The following SCMH1 variants were observed in gnomAD, a reference collection of about 807,000 sequenced individuals.
The protein encoded by SCMH1 is Scm polycomb group protein homolog 1.
A neutral mutation model predicts 70.8 loss-of-function variants in SCMH1; 37 were observed. The observed-to-expected ratio is 0.52, with a 90% CI of 0.40 to 0.69. The LOEUF is 0.69. SCMH1 is among the 30% of genes least tolerant of loss of function. SCMH1 has a pLI of 0.00. For synonymous variants in SCMH1, 292 were observed against 307.4 expected, an observed-to-expected ratio of 0.95 and a Z score of 0.52; for missense variants, 607 against 827.3, an observed-to-expected ratio of 0.73 and a Z score of 3.27.
intron 6 of SCMH1, among the ~76,000 whole-genome samples, chr1:41,135,680 A>G (rs1643184700): frequency 6.6e-6 from 1 of 152,220 alleles, no homozygotes; most frequent in Non-Finnish European, 1.5e-5. Flanking sequence ...AGTTACAATT[A>G]AATACAATTT....
rs376063757 is a variant in SCMH1, at chr1:41,113,551, C to T, written c.502-25G>A. On this transcript the variant is annotated intron_variant, in intron 7 of 14. Coordinates refer to ENST00000337495, the Ensembl canonical transcript of SCMH1. The surrounding 1 kb of genome is among the most constrained non-coding windows in gnomAD (Gnocchi z 4.3). The stretch of plus-strand genomic sequence containing the variant: ...CCTAGATGAGAAACAGAAACATACA[C>T]ACCTAGACACAAAGAGAGGCCATTA... The T allele has an allele frequency of 2.3e-5, 37 of 1,591,516 alleles. 1 individual carries two copies. Among genetic ancestry groups the T allele is most frequent in the East Asian group, 1.3e-4 (6 of 44,740 alleles).
intron 6 of SCMH1, among the ~76,000 whole-genome samples, chr1:41,126,386 GTTTAAT>G (rs1673188478): frequency 6.6e-6 from 1 of 151,908 alleles, no homozygotes; most frequent in African/African-American, 2.4e-5. Flanking sequence ...ATCTTTTTTA[GTTTAAT>G]TTTATTTATT....
intron 2 of SCMH1, among the ~76,000 whole-genome samples, chr1:41,184,249 CA>C (rs1436833436): frequency 3.9e-5 from 6 of 152,094 alleles, no homozygotes; most frequent in Admixed American, 3.3e-4. Flanking sequence ...GGCCGAGTGC[CA>C]GGCATTTTCA....
chr1:41,050,709 C>T (rs1308535706), intron 10 of SCMH1, among the ~76,000 whole-genome samples: 3 of 152,230 alleles, frequency 2.0e-5, no homozygotes, highest in Admixed American at 6.5e-5. Context: ...AGGTGGAAAG[C>T]GGACTGGAAA....
chr1:41,135,609 T>C (rs1254555643), intron 6 of SCMH1, among the ~76,000 whole-genome samples: 2 of 152,182 alleles, frequency 1.3e-5, no homozygotes, highest in Non-Finnish European at 2.9e-5. Flanking sequence ...CCCTTTATAA[T>C]TACCCAGTCT....
At chr1:41,115,530 T>C (rs1266216615) in intron 7 of SCMH1, among the ~76,000 whole-genome samples, 3 of 152,156 alleles carry the variant, frequency 2.0e-5, no homozygotes, top group African/African-American at 7.2e-5. Flanking sequence ...CTCAATCTCC[T>C]GGGCTTAAGC....
chr1:41,122,651 G>A (rs569597757), intron 6 of SCMH1, among the ~76,000 whole-genome samples: 18 of 152,250 alleles, frequency 1.2e-4, no homozygotes, highest in Admixed American at 1.0e-3. Flanking sequence ...TTGCAGGTAA[G>A]GGCACTGAAA....
At chr1:41,239,635 T>C (rs1292591798) in intron 1 of SCMH1, among the ~76,000 whole-genome samples, 1 of 152,078 alleles carries the variant, frequency 6.6e-6, no homozygotes, top group Non-Finnish European at 1.5e-5. Context: ...GGTTAGAACA[T>C]ACCAATTTTC....
intron 1 of SCMH1, among the ~76,000 whole-genome samples, chr1:41,198,344 T>C (rs572010382): frequency 1.3e-5 from 2 of 152,158 alleles, no homozygotes; most frequent in Non-Finnish European, 2.9e-5. Context: ...AAAAAGTAAG[T>C]GTGGACAAAC....
At chr1:41,174,469 T>C (rs939800074) in intron 2 of SCMH1, among the ~76,000 whole-genome samples, 1 of 152,186 alleles carries the variant, frequency 6.6e-6, no homozygotes, top group African/African-American at 2.4e-5. Context: ...TTCTCAGTAT[T>C]ACTCCACGTT....
chr1:41,189,189 G>A (rs1286031796), intron 1 of SCMH1, among the ~76,000 whole-genome samples: 1 of 152,166 alleles, frequency 6.6e-6, no homozygotes, highest in African/African-American at 2.4e-5. Context: ...CACTCTGGTT[G>A]CTCAGGCTGG....
chr1:41,061,620 CT>C lies in SCMH1; in HGVS notation c.1105+8974del, dbSNP rs371855109. Among the ~76,000 whole-genome samples the C allele has an allele frequency of 6.2e-3, 950 of 152,306 alleles. 15 individuals carry two copies. Among genetic ancestry groups the C allele is most frequent in the African/African-American group, 0.022 (909 of 41,560 alleles). Reference sequence around the variant, plus strand: ...CTGCAAGGAGAAACAGATAAATCCACTATTATAGTTGGAGACTTCAACACCC... The same window carrying C: ...CTGCAAGGAGAAACAGATAAATCCACATTATAGTTGGAGACTTCAACACCC... On this transcript the variant is annotated intron_variant, in intron 10 of 14. Transcript: ENST00000337495.
At chr1:41,101,515 T>C (rs574552858) in intron 8 of SCMH1, among the ~76,000 whole-genome samples, 1 of 152,370 alleles carries the variant, frequency 6.6e-6, no homozygotes, top group East Asian at 1.9e-4. Flanking sequence ...TCTGTATTTA[T>C]TGATAAGATG....
chr1:41,128,163 ACT>A (rs1331416203), intron 6 of SCMH1, among the ~76,000 whole-genome samples: 1 of 152,158 alleles, frequency 6.6e-6, no homozygotes, highest in Non-Finnish European at 1.5e-5. Context: ...TAATGGGATT[ACT>A]CTCTGCACAT....
chr1:41,075,765 T>A (rs2148909185), intron 8 of SCMH1, among the ~76,000 whole-genome samples: 1 of 152,212 alleles, frequency 6.6e-6, no homozygotes, highest in Middle Eastern at 3.4e-3. Context: ...AGGCTCAGAG[T>A]TGAAAGGGCT....
chr1:41,075,489 C>T, intron 8 of SCMH1, 38 bp from the exon 9 acceptor site: 1 of 1,541,392 alleles, frequency 6.5e-7, no homozygotes, highest in Non-Finnish European at 9.0e-7. Context: ...CCTCCCTCCC[C>T]CCTGCATTCT....
chr1:41,212,481 C>T (rs1657236293), intron 1 of SCMH1, among the ~76,000 whole-genome samples: 1 of 152,088 alleles, frequency 6.6e-6, no homozygotes, highest in Non-Finnish European at 1.5e-5. Context: ...AATATGAGTA[C>T]ATACTTTACA....
chr1:41,150,936 C>CA (rs71062579), intron 5 of SCMH1, among the ~76,000 whole-genome samples: 53,405 of 76,408 alleles, frequency 0.7, 17,653 homozygotes, highest in African/African-American at 0.8. Flanking sequence ...GACACCATCT[C>CA]AAAAAAAAAA....
intron 5 of SCMH1, among the ~76,000 whole-genome samples, chr1:41,147,246 T>G (rs2148282124): frequency 6.6e-6 from 1 of 152,208 alleles, no homozygotes; most frequent in East Asian, 1.9e-4. Flanking sequence ...CAGATCCCTT[T>G]TATTTCTTTT....
Sources: allele counts gnomAD v4.1 joint callset (sites outside exome capture counted in the v4.1 genomes callset), GRCh38; gene constraint gnomAD v4.1.1; non-coding constraint Gnocchi (gnomAD v3.1); transcripts MANE v1.5; gene names NCBI Gene and HGNC (gene_info 2026-07-23, HGNC 2026-07-21).